Variants in DTNA observed in about 807,000 individuals in gnomAD.
The protein encoded by DTNA is dystrophin-related protein 3.
DTNA carries 43 observed loss-of-function variants against 100.7 expected under a neutral mutation model. The observed-to-expected ratio is 0.43, with a 90% CI of 0.33 to 0.55. DTNA has a LOEUF of 0.55. Ranked by LOEUF, DTNA falls within the 20% of genes least tolerant of loss-of-function variation. The pLI, the probability that DTNA is intolerant of heterozygous loss-of-function variation, is 0.04. For missense variants in DTNA, 798 were observed against 953.9 expected, an observed-to-expected ratio of 0.84 and a Z score of 2.15; for synonymous variants, 349 against 347.9, an observed-to-expected ratio of 1.00 and a Z score of -0.04.
At chr18:34,569,884 C>CAT (rs1449535348) in intron 1 of DTNA, among the ~76,000 whole-genome samples, 1 of 147,036 alleles carries the variant, frequency 6.8e-6, no homozygotes. Flanking sequence ...CACATACACA[C>CAT]ATACACACAC....
intron 1 of DTNA, among the ~76,000 whole-genome samples, chr18:34,749,697 C>T (rs977034894): frequency 2.7e-5 from 4 of 150,246 alleles, no homozygotes; most frequent in Non-Finnish European, 5.9e-5. Context: ...ATACCAGTTC[C>T]AGGAGTAGAA....
chr18:34,818,436 C>A (rs2095641077), intron 8 of DTNA, 106 bp downstream of exon 8: 1 of 1,546,552 alleles, frequency 6.5e-7, no homozygotes, highest in African/African-American at 1.4e-5. Context: ...ACTTACCTTC[C>A]ATCCCAGGTC....
rs149549584 is a variant in DTNA, at chr18:34,859,930, A to G, written c.1646+1532A>G. On this transcript the variant is annotated intron_variant, in intron 16 of 22. Transcript: ENST00000444659. ...ATAAGGCTGGTATTCCAGTGTATTT[A>G]TGTGGCAAACAACACAAAAATAAAT... Among the ~76,000 whole-genome samples, 419 of 152,310 alleles carry G rather than the reference A, an allele frequency of 2.8e-3. 2 individuals carry two copies. The highest frequency in any genetic ancestry group is 9.6e-3 in the African/African-American group (400 of 41,550).
In DTNA at chr18:34,889,526, C is replaced by T; in HGVS notation, c.*1792C>T. On this transcript the variant is annotated 3_prime_UTR_variant, in exon 23 of 23. Coordinates refer to ENST00000444659, the MANE Select transcript of DTNA (RefSeq NM_001386795.1). ...TGCTTCTGGGGCTGGCAAAAACCTTCTCTGAACCCACACACCAAGTTCGTA... is the reference window on the plus strand; with the variant it reads ...TGCTTCTGGGGCTGGCAAAAACCTTTTCTGAACCCACACACCAAGTTCGTA... The T allele has an allele frequency of 1.0e-6, 1 of 985,450 alleles. No individual in the cohort carries two copies. The highest frequency in any genetic ancestry group is 1.2e-6 in the Non-Finnish European group (1 of 829,952). The allele number at this position is 985,450 out of a possible 1,614,324, so 61.0% of individuals were successfully genotyped here.
At chr18:34,607,502 T>C (rs10438942) in intron 1 of DTNA, among the ~76,000 whole-genome samples, 9,965 of 152,296 alleles carry the variant, frequency 0.065, 402 homozygotes, top group Non-Finnish European at 0.074. Flanking sequence ...CTAATTGATA[T>C]AGCTGAATAC....
At chr18:34,768,132 C>T (rs776079699) in intron 3 of DTNA, among the ~76,000 whole-genome samples, 1 of 152,088 alleles carries the variant, frequency 6.6e-6, no homozygotes, top group African/African-American at 2.4e-5. Context: ...GATTGTCCCA[C>T]GTTCTTATCA....
chr18:34,544,880 G>T (rs978445540), intron 1 of DTNA, among the ~76,000 whole-genome samples: 1 of 151,790 alleles, frequency 6.6e-6, no homozygotes, highest in Non-Finnish European at 1.5e-5. Context: ...ACCAAAAGGG[G>T]CCCTTAGGAT....
chr18:34,506,954 TC>T (rs528316648), intron 1 of DTNA, among the ~76,000 whole-genome samples: 239 of 152,286 alleles, frequency 1.6e-3, no homozygotes, highest in African/African-American at 5.5e-3. Context: ...AAAATATCAC[TC>T]CCGTTGATTC....
rs118107324 is a variant in DTNA, at chr18:34,883,106, T to C, written c.2295+905T>C. ...AGCGACTCATCCTAAAGGCCATGCATTTCCCCATGGAGGTCGTTCTACTAC... is the reference window on the plus strand; with the variant it reads ...AGCGACTCATCCTAAAGGCCATGCACTTCCCCATGGAGGTCGTTCTACTAC... On this transcript the variant is annotated intron_variant, in intron 21 of 22. Transcript: ENST00000444659. 1.4e-4 allele frequency among the ~76,000 whole-genome samples: 21 copies of C among 152,318 alleles called. No homozygotes were observed. In the East Asian group the frequency reaches 3.7e-3, roughly 27 times the overall value.
chr18:34,870,968 C>T lies in DTNA; in HGVS notation c.1744-4271C>T, dbSNP rs117664170. ...TAAAAGGCCTGATTATAAAAATTATCATCAGTGTGATGATAGCCAGTGAAT... is the reference window on the plus strand; with the variant it reads ...TAAAAGGCCTGATTATAAAAATTATTATCAGTGTGATGATAGCCAGTGAAT... On this transcript the variant is annotated intron_variant, in intron 17 of 22. Transcript: ENST00000444659. Among the ~76,000 whole-genome samples the T allele has an allele frequency of 8.8e-3, 1,336 of 152,326 alleles. 45 individuals are homozygous for T. Among genetic ancestry groups the T allele is most frequent in the East Asian group, 0.083 (431 of 5,190 alleles).
intron 1 of DTNA, among the ~76,000 whole-genome samples, chr18:34,726,909 G>C (rs776045488): frequency 5.3e-5 from 8 of 152,232 alleles, no homozygotes; most frequent in Non-Finnish European, 1.0e-4. Flanking sequence ...ACTGCCCTAG[G>C]AAAGTATCTT....
chr18:34,808,861 C>T (rs1437084992), intron 5 of DTNA, among the ~76,000 whole-genome samples: 1 of 152,084 alleles, frequency 6.6e-6, no homozygotes, highest in African/African-American at 2.4e-5. Flanking sequence ...AGAAACAAGC[C>T]CACAATATCA....
chr18:34,666,110 T>C (rs1420743242), intron 1 of DTNA, among the ~76,000 whole-genome samples: 6 of 152,104 alleles, frequency 3.9e-5, no homozygotes, highest in Non-Finnish European at 8.8e-5. Flanking sequence ...TAATGATTGC[T>C]ATTCTAACTG....
intron 17 of DTNA, among the ~76,000 whole-genome samples, chr18:34,865,564 G>C (rs796874670): frequency 6.6e-6 from 1 of 152,052 alleles, no homozygotes; most frequent in Admixed American, 6.5e-5. Flanking sequence ...AATTCTTGTT[G>C]ATCTATCTTG....
In DTNA at chr18:34,796,601, C is replaced by G. The variant is rs924223114; in HGVS notation, c.362+2351C>G. ...TCCCATTTGTCGTATTTTAAATGGA[C>G]ATATAAATAAACAGGGAAAAAATCC... On this transcript the variant is annotated intron_variant, in intron 4 of 22. Coordinates refer to ENST00000444659, the MANE Select transcript of DTNA (RefSeq NM_001386795.1). Among the ~76,000 whole-genome samples, 6 of 151,944 alleles carry G rather than the reference C, an allele frequency of 3.9e-5. No individual in the cohort carries two copies. In the East Asian group the frequency reaches 5.8e-4, roughly 15 times the overall value.
At chr18:34,660,951 C>T (rs866076265) in intron 1 of DTNA, among the ~76,000 whole-genome samples, 4 of 152,164 alleles carry the variant, frequency 2.6e-5, no homozygotes, top group Non-Finnish European at 5.9e-5. Context: ...CACATGTTCT[C>T]AGGAGACAGG....
At chr18:34,619,228 G>C (rs1015635699) in intron 1 of DTNA, among the ~76,000 whole-genome samples, 4 of 152,132 alleles carry the variant, frequency 2.6e-5, no homozygotes, top group Non-Finnish European at 4.4e-5. Context: ...GGGCACATTG[G>C]GGGAAGCATC....
At chr18:34,528,202 T>C (rs2145418297) in intron 1 of DTNA, among the ~76,000 whole-genome samples, 1 of 152,236 alleles carries the variant, frequency 6.6e-6, no homozygotes, top group Middle Eastern at 3.4e-3. Context: ...ACCTTGAAAT[T>C]AGACAATTGA....
At chr18:34,821,355 T>C in intron 9 of DTNA, 1 of 423,730 alleles carries the variant, frequency 2.4e-6, no homozygotes. Context: ...GAAATTACTT[T>C]TGTTTTTCAT....
Sources: gnomAD v4.1 joint callset for allele counts (sites outside exome capture counted in the v4.1 genomes callset) on GRCh38, gnomAD v4.1.1 for gene constraint, MANE v1.5 for transcripts, NCBI Gene and HGNC (gene_info 2026-07-23, HGNC 2026-07-21) for gene names.